The following NMNAT2 variants were observed in gnomAD, a reference collection of about 807,000 sequenced individuals.
The protein encoded by NMNAT2 is nicotinamide/nicotinic acid mononucleotide adenylyltransferase 2.
In NMNAT2, 11 loss-of-function variants were observed where a neutral mutation model predicts 41.6. That is an observed-to-expected ratio of 0.26 (90% confidence interval 0.17 to 0.44). The LOEUF is 0.44. Among genes scored for constraint, NMNAT2 ranks in the 20% least tolerant of loss-of-function variants. The pLI, the probability that NMNAT2 is intolerant of heterozygous loss-of-function variation, is 1.00. For missense variants in NMNAT2, 288 were observed against 407.7 expected, an observed-to-expected ratio of 0.71 and a Z score of 2.53; for synonymous variants, 148 against 151.2, an observed-to-expected ratio of 0.98 and a Z score of 0.16.
chr1:183,255,995 T>C (rs979205568), intron 10 of NMNAT2, among the ~76,000 whole-genome samples: 3 of 152,108 alleles, frequency 2.0e-5, no homozygotes, highest in Non-Finnish European at 2.9e-5. Context: ...CTTTCAGTAC[T>C]TTGCTGAATG....
chr1:183,359,567 G>A (rs1404701806), intron 1 of NMNAT2, among the ~76,000 whole-genome samples: 4 of 152,140 alleles, frequency 2.6e-5, no homozygotes, highest in Non-Finnish European at 5.9e-5. Context: ...TTCTCTATGC[G>A]AGGTTGTACT....
At chr1:183,344,311 G>C (rs951339383) in intron 1 of NMNAT2, among the ~76,000 whole-genome samples, 4 of 152,190 alleles carry the variant, frequency 2.6e-5, no homozygotes, top group Admixed American at 1.3e-4. Flanking sequence ...CCTGTCCCAG[G>C]AGGTACAGTA....
At chr1:183,411,605 C>G (rs1649120809) in intron 1 of NMNAT2, among the ~76,000 whole-genome samples, 2 of 152,186 alleles carry the variant, frequency 1.3e-5, no homozygotes. Context: ...CACCTGGCCT[C>G]AACAAATGTT....
At chr1:183,360,070 C>T (rs1663273745) in intron 1 of NMNAT2, among the ~76,000 whole-genome samples, 1 of 152,130 alleles carries the variant, frequency 6.6e-6, no homozygotes, top group Admixed American at 6.5e-5. Flanking sequence ...TGGGTTCCTT[C>T]GAGCCTGACA....
At chr1:183,385,255 A>G (rs1557896226) in intron 1 of NMNAT2, among the ~76,000 whole-genome samples, 1 of 152,096 alleles carries the variant, frequency 6.6e-6, no homozygotes. Flanking sequence ...GGCAAAATGA[A>G]CATCCACAGG....
At chr1:183,372,454 A>G (rs1348238476) in intron 1 of NMNAT2, among the ~76,000 whole-genome samples, 7 of 152,164 alleles carry the variant, frequency 4.6e-5, no homozygotes, top group Non-Finnish European at 1.0e-4. Context: ...AGACAGAGCC[A>G]GGAAGAGTGA....
chr1:183,365,819 G>A (rs1382850575), intron 1 of NMNAT2, among the ~76,000 whole-genome samples: 1 of 152,134 alleles, frequency 6.6e-6, no homozygotes, highest in Non-Finnish European at 1.5e-5. Flanking sequence ...CCCCAGGTAT[G>A]TGGCTCCCTG....
intron 10 of NMNAT2, among the ~76,000 whole-genome samples, chr1:183,257,175 G>A (rs1660538261): frequency 6.6e-6 from 1 of 151,444 alleles, no homozygotes. Context: ...AGGCGTAGTG[G>A]TTCATGCCTG....
chr1:183,352,993 AT>A (rs2102353507), intron 1 of NMNAT2, among the ~76,000 whole-genome samples: 1 of 152,216 alleles, frequency 6.6e-6, no homozygotes, highest in South Asian at 2.1e-4. Flanking sequence ...GGCTCTAGCC[AT>A]CTTTTTCTGA....
intron 7 of NMNAT2, among the ~76,000 whole-genome samples, chr1:183,282,685 G>C (rs557042351): frequency 6.6e-6 from 1 of 152,154 alleles, no homozygotes; most frequent in South Asian, 2.1e-4. Context: ...CCCAGCCCAG[G>C]CACCTTCCCT....
intron 7 of NMNAT2, among the ~76,000 whole-genome samples, chr1:183,282,245 A>C (rs1443300965): frequency 6.6e-6 from 1 of 152,206 alleles, no homozygotes; most frequent in Non-Finnish European, 1.5e-5. Context: ...AGCCTCAGGG[A>C]AGCCAGAGGT....
intron 1 of NMNAT2, among the ~76,000 whole-genome samples, chr1:183,389,812 G>GAAAGAAAT (rs1648402697): frequency 1.6e-5 from 1 of 60,678 alleles, no homozygotes; most frequent in Admixed American, 2.2e-4. Context: ...AAGAAAGAAA[G>GAAAGAAAT]AAAGAAAGAA....
chr1:183,262,910 G>T (rs1660700131), intron 8 of NMNAT2, among the ~76,000 whole-genome samples: 1 of 152,200 alleles, frequency 6.6e-6, no homozygotes, highest in South Asian at 2.1e-4. Context: ...TGCTTTGAGG[G>T]CAAGGAACCC....
At chr1:183,268,591 T>C (rs1660881933) in intron 8 of NMNAT2, among the ~76,000 whole-genome samples, 1 of 152,210 alleles carries the variant, frequency 6.6e-6, no homozygotes, top group Non-Finnish European at 1.5e-5. Flanking sequence ...AACCAAGTTG[T>C]TCTCAAGCAC....
chr1:183,312,406 A>G (rs924866657), intron 1 of NMNAT2, among the ~76,000 whole-genome samples: 1 of 151,830 alleles, frequency 6.6e-6, no homozygotes, highest in African/African-American at 2.4e-5. Context: ...GCAATTTCAG[A>G]TTTTCCAACA....
rs1489322030 is a variant in NMNAT2 at position 183,319,833 on chromosome 1, G to T, written c.86-26040C>A. Among the ~76,000 whole-genome samples, 4 of 152,216 alleles carry T rather than the reference G, an allele frequency of 2.6e-5. No individual in the cohort carries two copies. The East Asian group carries it at 7.7e-4, about 29-fold the overall frequency. On this transcript the variant is annotated intron_variant, in intron 1 of 10. Coordinates refer to ENST00000287713, the MANE Select transcript of NMNAT2 (RefSeq NM_015039.4). ...ATGCAACTTAAGATGACCCTGGGAGGGAGTTTTCCATGATCTGCCGTGTCT... is the reference window on the plus strand; with the variant it reads ...ATGCAACTTAAGATGACCCTGGGAGTGAGTTTTCCATGATCTGCCGTGTCT...
At chr1:183,394,651 C>T (rs1177717503) in intron 1 of NMNAT2, among the ~76,000 whole-genome samples, 1 of 152,200 alleles carries the variant, frequency 6.6e-6, no homozygotes, top group Non-Finnish European at 1.5e-5. Flanking sequence ...ACCTGACTGT[C>T]AGCCCCAGAT....
At chr1:183,354,409 C>CTTTTTTTT (rs67663742) in intron 1 of NMNAT2, among the ~76,000 whole-genome samples, 3 of 89,670 alleles carry the variant, frequency 3.3e-5, no homozygotes, top group Admixed American at 1.3e-4. Flanking sequence ...TCTTTAATGT[C>CTTTTTTTT]TTTTTTTTTT....
intron 3 of NMNAT2, 39 bp from the exon 4 acceptor site, chr1:183,290,245 C>A: frequency 6.7e-7 from 1 of 1,487,034 alleles, no homozygotes; most frequent in Non-Finnish European, 9.2e-7. Context: ...GGTTTCTGTT[C>A]TCATATTCTT....
Sources: allele counts gnomAD v4.1 joint callset (sites outside exome capture counted in the v4.1 genomes callset), GRCh38; gene constraint gnomAD v4.1.1; transcripts MANE v1.5; gene names NCBI Gene and HGNC (gene_info 2026-07-23, HGNC 2026-07-21).